The following NLRP4 variants were observed in gnomAD, a reference collection of about 807,000 sequenced individuals.
NLRP4 encodes the protein NLR family pyrin domain containing 4.
In NLRP4, 44 loss-of-function variants were observed where a neutral mutation model predicts 84.7. The observed-to-expected ratio is 0.52, with a 90% CI of 0.41 to 0.67. NLRP4 has a LOEUF of 0.67. Among genes scored for constraint, NLRP4 ranks in the 30% least tolerant of loss-of-function variants. The probability of loss-of-function intolerance (pLI) is 0.00; values close to 1 mark genes in which losing one functional copy is unlikely to be tolerated. For synonymous variants in NLRP4, 544 were observed against 476.4 expected (o/e 1.14, Z -1.85); for missense variants, 1,260 against 1,219.4 (o/e 1.03, Z -0.50).
chr19:55,849,897 G>A (rs1003213387), intron 1 of NLRP4, among the ~76,000 whole-genome samples: 1,280 of 9,372 alleles, frequency 0.14, 113 homozygotes, highest in South Asian at 0.22. Flanking sequence ...TCCGTGGCCG[G>A]CGGTGTAATT....
intron 9 of NLRP4, among the ~76,000 whole-genome samples, chr19:55,881,210 C>T (rs1210401521): frequency 6.8e-6 from 1 of 146,366 alleles, no homozygotes. Flanking sequence ...GTGGGCAGCT[C>T]AAAATTGGCC....
At chr19:55,863,892 C>G (rs1984857672) in intron 5 of NLRP4, among the ~76,000 whole-genome samples, 1 of 152,120 alleles carries the variant, frequency 6.6e-6, no homozygotes, top group Non-Finnish European at 1.5e-5. Flanking sequence ...TTACCCTCTA[C>G]TTACCTTCAT....
chr19:55,839,402 A>G (rs890097632), intron 1 of NLRP4, among the ~76,000 whole-genome samples: 3 of 151,934 alleles, frequency 2.0e-5, no homozygotes, highest in Non-Finnish European at 4.4e-5. Context: ...GATTCTGGAA[A>G]AATAATTTTT....
chr19:55,881,135 A>ATGTGTG (rs1288353690), intron 9 of NLRP4, among the ~76,000 whole-genome samples: 2 of 35,556 alleles, frequency 5.6e-5, no homozygotes, highest in African/African-American at 1.8e-4. Context: ...GGTGAGAGCC[A>ATGTGTG]CGTGTGTGTG....
intron 1 of NLRP4, among the ~76,000 whole-genome samples, chr19:55,846,741 A>G (rs373895785): frequency 3.9e-5 from 6 of 152,162 alleles, no homozygotes; most frequent in African/African-American, 1.4e-4. Context: ...TTGGAGAAGT[A>G]TTGCCTTAGG....
intron 1 of NLRP4, among the ~76,000 whole-genome samples, chr19:55,851,398 C>T (rs1252780686): frequency 4.3e-5 from 3 of 69,088 alleles, no homozygotes; most frequent in Non-Finnish European, 4.6e-5. Flanking sequence ...TCCGAGGCTG[C>T]GGTGTAATTT....
At position 55,858,557 on chromosome 19, in the gene NLRP4, G is replaced by T. The variant is rs370158529; in HGVS notation, c.1164G>T (p.Pro388=). 6.2e-7 allele frequency: 1 copy of T among 1,614,072 alleles called. No individual in the cohort carries two copies. The highest frequency in any genetic ancestry group is 1.1e-5 in the South Asian group (1 of 91,054). The change falls in exon 3 of 10, where the codon CCG becomes CCT. Residue 388 remains proline (P), a synonymous_variant. Coordinates refer to ENST00000301295, the MANE Select transcript of NLRP4 (RefSeq NM_134444.5). This position sits in a 1 kb window ranked among gnomAD's most constrained non-coding sequence, Gnocchi z 4.2. The part of the protein sequence containing the change: ...NLFTPEGAEG[P]TPQTQHQLKA... ...TCACACCTGAGGGTGCCGAGGGCCC[G>T]ACTCCGCAAACCCAGCACCAGCTGA...
chr19:55,858,708 C>G lies in NLRP4; in HGVS notation c.1315C>G (p.Leu439Val). 1 of 1,614,136 alleles carries G rather than the reference C, an allele frequency of 6.2e-7. No homozygotes were observed. The highest frequency in any genetic ancestry group is 1.1e-5 in the South Asian group (1 of 91,080). ...TGCGCTGCTGGGCACCAAGATACTT[C>G]TGAAGTACGGGGAGCGTGAGAGCTC... ...IPALLGTKIL[L>V]KYGERESSYV... Residue 439 changes from leucine to valine, a missense_variant, in exon 3 of 10, where the codon CTG becomes GTG. Physicochemically the swap from Leu to Val is conservative, Grantham distance 32. Around this residue, in one of 3 missense-constraint regions of NLRP4, gnomAD observed 712 missense variants for 669.2 expected, o/e 1.06. Transcript: ENST00000301295. This position sits in a 1 kb window ranked among gnomAD's most constrained non-coding sequence, Gnocchi z 4.2.
At position 55,862,048 on chromosome 19, in the gene NLRP4, A is replaced by G. The variant is rs751668066; in HGVS notation, c.2075A>G (p.Tyr692Cys). ...GTTCTGCTCTTTGAGGTGCTCTTTT[A>G]TCAGCCAGACTTGAAATACCTGAGC... ...QSVLLFEVLF[Y>C]QPDLKYLSFT... The change falls in exon 5 of 10, where the codon TAT (tyrosine) becomes TGT (cysteine). Residue 692 changes from tyrosine (Y) to cysteine (C), a missense_variant. By Grantham distance (194) the Tyr-to-Cys change is radical. Coordinates refer to ENST00000301295, the MANE Select transcript of NLRP4 (RefSeq NM_134444.5). 11 of 1,613,394 alleles carry G rather than the reference A, an allele frequency of 6.8e-6. No homozygotes were observed. The Middle Eastern group carries it at 5.0e-4, about 73-fold the overall frequency.
intron 7 of NLRP4, among the ~76,000 whole-genome samples, chr19:55,872,567 TAAC>T (rs1377371745): frequency 2.0e-5 from 3 of 152,186 alleles, no homozygotes; most frequent in East Asian, 1.9e-4. Flanking sequence ...ATAAATATAA[TAAC>T]TGACTATATG....
At chr19:55,863,987 C>T (rs1274603059) in intron 5 of NLRP4, among the ~76,000 whole-genome samples, 1 of 152,054 alleles carries the variant, frequency 6.6e-6, no homozygotes, top group Non-Finnish European at 1.5e-5. Flanking sequence ...ACAAAAAGAC[C>T]CAAACCCTTT....
At chr19:55,857,253 G>A (rs534205534) in intron 2 of NLRP4, among the ~76,000 whole-genome samples, 16 of 151,564 alleles carry the variant, frequency 1.1e-4, no homozygotes, top group African/African-American at 3.9e-4. Flanking sequence ...TTACATAGTA[G>A]CAATGAATGT....
chr19:55,879,006 G>A (rs1420958367), intron 9 of NLRP4, 42 bp downstream of exon 9: 1 of 1,493,232 alleles, frequency 6.7e-7, no homozygotes, highest in South Asian at 1.2e-5. Context: ...GAGTGCTCCG[G>A]GCTAAGAAGG....
intron 1 of NLRP4, among the ~76,000 whole-genome samples, chr19:55,845,595 T>A (rs1983762168): frequency 6.6e-6 from 1 of 152,026 alleles, no homozygotes; most frequent in Non-Finnish European, 1.5e-5. Context: ...CCCTGAGGAA[T>A]CACCACACCG....
Position 55,881,466 on chromosome 19 carries a change from C to T in NLRP4, c.2868-4C>T, listed in dbSNP as rs1233815400. 4.8e-6 allele frequency: 7 copies of T among 1,463,572 alleles called. No individual in the cohort carries two copies. The South Asian group carries it at 6.9e-5, about 14-fold the overall frequency. The allele number at this position is 1,463,572 out of a possible 1,614,324, so 90.7% of individuals were successfully genotyped here. ...AAATAGAACCTCTTAAAATATTTTA[C>T]CAGGCTGAGAAAAACTGATTTTGAT... On this transcript the variant is annotated splice_polypyrimidine_tract_variant and splice_region_variant and intron_variant, in intron 9 of 9. Transcript: ENST00000301295.
intron 7 of NLRP4, among the ~76,000 whole-genome samples, chr19:55,875,961 C>T (rs1036795694): frequency 1.3e-5 from 2 of 152,208 alleles, no homozygotes; most frequent in African/African-American, 4.8e-5. Context: ...CACCTGAACC[C>T]GTGAGGCAGA....
At chr19:55,871,387 TC>T (rs1403266173) in intron 7 of NLRP4, among the ~76,000 whole-genome samples, 1 of 151,856 alleles carries the variant, frequency 6.6e-6, no homozygotes, top group African/African-American at 2.4e-5. Flanking sequence ...AGGTGGGAGA[TC>T]CAAAAATACA....
intron 1 of NLRP4, among the ~76,000 whole-genome samples, chr19:55,848,379 G>A (rs767731621): frequency 4.4e-4 from 66 of 151,472 alleles, no homozygotes; most frequent in Non-Finnish European, 8.7e-4. Flanking sequence ...CTATAGTATT[G>A]TATACTATAC....
At chr19:55,873,748 G>A (rs1214764349) in intron 7 of NLRP4, among the ~76,000 whole-genome samples, 1 of 152,136 alleles carries the variant, frequency 6.6e-6, no homozygotes, top group Non-Finnish European at 1.5e-5. Flanking sequence ...GTATTATTCG[G>A]TTCATGCTAA....
Sources: allele counts gnomAD v4.1 joint callset (sites outside exome capture counted in the v4.1 genomes callset), GRCh38; gene constraint gnomAD v4.1.1; regional missense constraint gnomAD v4.1.1; non-coding constraint Gnocchi (gnomAD v3.1); transcripts MANE v1.5; gene names NCBI Gene and HGNC (gene_info 2026-07-23, HGNC 2026-07-21).